Variants in EIF3B observed in about 807,000 individuals in gnomAD.
The protein encoded by EIF3B is eukaryotic translation initiation factor 3 subunit B.
In EIF3B, 10 loss-of-function variants were observed where a neutral mutation model predicts 104.6. That is an observed-to-expected ratio of 0.10 (90% confidence interval 0.06 to 0.16). EIF3B has a LOEUF of 0.16. Among genes scored for constraint, EIF3B ranks in the 10% least tolerant of loss-of-function variants. EIF3B has a pLI of 1.00. For missense variants in EIF3B, 1,014 were observed against 1,087.9 expected, an observed-to-expected ratio of 0.93 and a Z score of 0.96; for synonymous variants, 542 against 417.2, an observed-to-expected ratio of 1.30 and a Z score of -3.65.
chr7:2,366,606 T>G lies in EIF3B; in HGVS notation c.1356+15T>G. On this transcript the variant is annotated intron_variant, in intron 8 of 18. Transcript: ENST00000360876. ...ATGAAACTCCTGTAAGTGGCCTCAG[T>G]GATGGCAAACGCCCCGTCCGGTCCT... is the stretch of plus-strand genomic sequence containing the variant. 4.3e-6 allele frequency: 7 copies of G among 1,614,146 alleles called. No individual in the cohort carries two copies. The highest frequency in any genetic ancestry group is 5.9e-6 in the Non-Finnish European group (7 of 1,179,970).
At position 2,375,556 on chromosome 7, in the gene EIF3B, T is replaced by C. The variant is rs568056535; in HGVS notation, c.2028+29T>C. The stretch of plus-strand genomic sequence containing the variant: ...CAGGCCTGTGGGGCATAGTTTTGAC[T>C]GTGGATAGAAGCAGGGAGTGCTGGC... On this transcript the variant is annotated intron_variant, in intron 14 of 18. Transcript: ENST00000360876. 4.3e-6 allele frequency: 7 copies of C among 1,613,700 alleles called. No individual in the cohort carries two copies. In the South Asian group the frequency reaches 7.7e-5, roughly 18 times the overall value.
In EIF3B at chr7:2,363,759, C is replaced by T. The variant is rs757370973; in HGVS notation, c.998C>T (p.Ala333Val). 2.5e-6 allele frequency: 4 copies of T among 1,612,646 alleles called. No homozygotes were observed. Among genetic ancestry groups the T allele is most frequent in the Admixed American group, 3.3e-5 (2 of 59,746 alleles). The part of the protein sequence containing the change: ...VKDPVSIEER[A>V]RWTETYVRWS... ...GACCCTGTCTCAATTGAAGAAAGAG[C>T]GGTGTGTATTTGCTGCTGCTGGGGG... Residue 333 changes from alanine (A) to valine (V), a missense_variant and splice_region_variant, in exon 5 of 19, where the codon GCG becomes GTG. By Grantham distance (64) the Ala-to-Val change is moderately conservative. Transcript: ENST00000360876.
rs1356325091 is a variant in EIF3B at position 2,371,845 on chromosome 7, G to A, written c.1683G>A (p.Met561Ile). The change falls in exon 11 of 19, where the codon ATG becomes ATA. Residue 561 changes from methionine (M) to isoleucine (I), a missense_variant. By Grantham distance (10) the Met-to-Ile change is conservative (BLOSUM62 1). Transcript: ENST00000360876. Reference sequence around the variant, plus strand: ...AGGTACCTGTGGATGTGGTCGAGATGAAAGGCAAGTTGTATTTTAGTCACT... The same window carrying A: ...AGGTACCTGTGGATGTGGTCGAGATAAAAGGCAAGTTGTATTTTAGTCACT... The part of the protein sequence containing the change: ...EKQVPVDVVE[M>I]KETIIAFAWE... The A allele has an allele frequency of 1.9e-6, 3 of 1,613,820 alleles. 1 individual carries two copies. In the Admixed American group the frequency reaches 5.0e-5, roughly 27 times the overall value.
rs1780353462 is a variant in EIF3B, at chr7:2,371,777, G to A, written c.1615G>A (p.Gly539Ser). Residue 539 changes from glycine to serine, a missense_variant and splice_region_variant, in exon 11 of 19, where the codon GGT (glycine) becomes AGT (serine). Transcript: ENST00000360876. ...CCCCTTCCCCCTTTTTTTTAAACAG[G>A]GTGTTGTCACAAATTTTGAAATTTT... ...KVDRTPKGTQ[G>S]VVTNFEIFRM... is the part of the protein sequence containing the mutation. The A allele has an allele frequency of 6.2e-7, 1 of 1,610,894 alleles. No individual in the cohort carries two copies. Among genetic ancestry groups the A allele is most frequent in the Non-Finnish European group, 8.5e-7 (1 of 1,178,000 alleles).
chr7:2,362,902 T>C (rs1313599734), intron 3 of EIF3B, 138 bp downstream of exon 3: 2 of 1,445,788 alleles, frequency 1.4e-6, no homozygotes, highest in East Asian at 4.6e-5. Context: ...GCAGAGCCAT[T>C]TCACAGCCCT....
intron 1 of EIF3B, among the ~76,000 whole-genome samples, chr7:2,360,239 A>G (rs1310003592): frequency 6.6e-6 from 1 of 152,250 alleles, no homozygotes; most frequent in Non-Finnish European, 1.5e-5. Flanking sequence ...TGCTGTGAAT[A>G]TATTGAGCAT....
rs942336752 is a variant in EIF3B, at chr7:2,375,512, C to G, written c.2013C>G (p.Ser671=). The G allele has an allele frequency of 6.2e-7, 1 of 1,614,226 alleles. No homozygotes were observed. Among genetic ancestry groups the G allele is most frequent in the Non-Finnish European group, 8.5e-7 (1 of 1,180,050 alleles). The change falls in exon 14 of 19, where the codon TCC becomes TCG. Residue 671 remains serine (S), a synonymous_variant. Transcript: ENST00000360876. ...GGCGCTACGTCGTCACCTCTGTGTC[C>G]TGGTGGAGCCATAAGGTGCAGGCCT... is the stretch of plus-strand genomic sequence containing the variant. ...PTGRYVVTSV[S]WWSHKVDNAY...
At chr7:2,374,368 T>A in intron 12 of EIF3B, 160 bp from the exon 13 acceptor site, 1 of 608,114 alleles carries the variant, frequency 1.6e-6, no homozygotes, top group Non-Finnish European at 3.0e-6. Flanking sequence ...ACTTAGGGGG[T>A]ACTTGGCGAT....
chr7:2,366,215 G>C, intron 6 of EIF3B, 102 bp from the exon 7 acceptor site: 1 of 1,303,174 alleles, frequency 7.7e-7, no homozygotes, highest in South Asian at 1.5e-5. Context: ...TTTGGGGAGA[G>C]AGCTGGTTCC....
At chr7:2,376,676 C>A in intron 14 of EIF3B, 1 of 408,796 alleles carries the variant, frequency 2.4e-6, no homozygotes, top group Non-Finnish European at 4.4e-6. Flanking sequence ...TAGCTTACAT[C>A]CAGCATGGGG....
At chr7:2,370,463 G>C (rs1780269280) in intron 10 of EIF3B, among the ~76,000 whole-genome samples, 1 of 152,050 alleles carries the variant, frequency 6.6e-6, no homozygotes, top group African/African-American at 2.4e-5. Context: ...CCTGGCGACA[G>C]AGCCAGACTG....
intron 9 of EIF3B, 127 bp from the exon 10 acceptor site, chr7:2,369,345 A>T: frequency 1.0e-6 from 1 of 980,360 alleles, no homozygotes; most frequent in Non-Finnish European, 1.6e-6. Context: ...GTGCAGAGGG[A>T]GCGCTCAGCG....
chr7:2,375,657 C>T, intron 14 of EIF3B, 130 bp downstream of exon 14: 2 of 1,367,052 alleles, frequency 1.5e-6, no homozygotes, highest in Middle Eastern at 2.1e-4. Flanking sequence ...GAAGCCTTGG[C>T]TGGTGTTAGT....
chr7:2,364,553 G>A, intron 6 of EIF3B, 24 bp downstream of exon 6: 1 of 1,602,916 alleles, frequency 6.2e-7, no homozygotes, highest in Non-Finnish European at 8.5e-7. Flanking sequence ...AAAACACAGG[G>A]GAGTCTATGC....
At chr7:2,377,114 G>T (rs1357963156) in intron 15 of EIF3B, 39 bp downstream of exon 15, 4 of 1,563,738 alleles carry the variant, frequency 2.6e-6, no homozygotes, top group Non-Finnish European at 3.5e-6. Context: ...GGCACATGGA[G>T]GCAATTGTGG....
intron 10 of EIF3B, among the ~76,000 whole-genome samples, chr7:2,370,932 G>T (rs4721652): frequency 0.3 from 44,974 of 151,732 alleles, 8,147 homozygotes; most frequent in African/African-American, 0.52. Context: ...GCGTGGTGGC[G>T]GGTGCCTGTA....
intron 13 of EIF3B, 76 bp downstream of exon 13, chr7:2,374,682 A>C: frequency 7.4e-7 from 1 of 1,360,438 alleles, no homozygotes; most frequent in Non-Finnish European, 1.0e-6. Context: ...AGGCGCCTGC[A>C]CCCGGCTTCT....
At position 2,366,512 on chromosome 7, in the gene EIF3B, T is replaced by C. The variant is rs746096206; in HGVS notation, c.1290-13T>C. ...TTTTCATGGGAATACCCTGGCACTT[T>C]TGTTTTTCTTAGGTGGAGCCATGAT... On this transcript the variant is annotated splice_polypyrimidine_tract_variant and intron_variant, in intron 7 of 18. Transcript: ENST00000360876. The C allele has an allele frequency of 6.2e-7, 1 of 1,614,178 alleles. No individual in the cohort carries two copies. The highest frequency in any genetic ancestry group is 1.1e-5 in the South Asian group (1 of 91,080).
chr7:2,359,005 G>GC (rs1244381207), intron 1 of EIF3B, among the ~76,000 whole-genome samples: 1 of 152,054 alleles, frequency 6.6e-6, no homozygotes, highest in East Asian at 1.9e-4. Flanking sequence ...GATTGCTAGA[G>GC]CCCAGGAGTT....
Sources: allele counts gnomAD v4.1 joint callset (sites outside exome capture counted in the v4.1 genomes callset), GRCh38; gene constraint gnomAD v4.1.1; transcripts MANE v1.5; gene names NCBI Gene and HGNC (gene_info 2026-07-23, HGNC 2026-07-21).